Variants in GPAM observed in about 807,000 individuals in gnomAD.
GPAM encodes glycerol-3-phosphate acyltransferase 1, mitochondrial.
In GPAM, 56 loss-of-function variants were observed where a neutral mutation model predicts 105.0. The ratio of observed to expected loss-of-function variants is 0.53; its 90% CI spans 0.43 to 0.67. The LOEUF is 0.67. GPAM is among the 30% of genes least tolerant of loss of function. The probability of loss-of-function intolerance (pLI) is 0.00; values close to 1 mark genes in which losing one functional copy is unlikely to be tolerated. For missense variants in GPAM, 855 were observed against 989.8 expected, an observed-to-expected ratio of 0.86 and a Z score of 1.83; for synonymous variants, 368 against 354.4, an observed-to-expected ratio of 1.04 and a Z score of -0.43.
intron 15 of GPAM, among the ~76,000 whole-genome samples, chr10:112,161,367 T>C (rs1847120197): frequency 6.6e-6 from 1 of 152,192 alleles, no homozygotes; most frequent in Non-Finnish European, 1.5e-5. Context: ...TTGGAAAGCA[T>C]TTGCTTTCAG....
the GPAM span, among the ~76,000 whole-genome samples, chr10:112,224,103 A>C: frequency 3.3e-5 from 5 of 152,094 alleles, no homozygotes; most frequent in East Asian, 9.6e-4. Context: ...TTTCCTCTTG[A>C]TTTGTTCACA....
Position 112,168,905 on chromosome 10 carries a change from T to C in GPAM, c.842A>G (p.Asp281Gly). 6.2e-7 allele frequency: 1 copy of C among 1,612,792 alleles called. No homozygotes were observed. The highest frequency in any genetic ancestry group is 2.2e-5 in the East Asian group (1 of 44,868). Residue 281 changes from aspartate (D) to glycine (G), a missense_variant, in exon 10 of 22, where the codon GAT becomes GGT. Transcript: ENST00000348367. ...ATCTTTCCGTCCATCTGGTGTTTCA[T>C]CGAGCCTTCGTCGTATGAAGAAGCC... ...LGGFFIRRRL[D>G]ETPDGRKDVL...
upstream of GPAM, among the ~76,000 whole-genome samples, chr10:112,186,421 CA>C (rs564478757): frequency 3.6e-4 from 51 of 143,042 alleles, no homozygotes; most frequent in South Asian, 8.7e-4. Context: ...GTCTTTCAGG[CA>C]AAAAAAAAAT....
chr10:112,152,959 G>A lies in GPAM; in HGVS notation c.*591C>T. 1 of 211,370 alleles carries A rather than the reference G, an allele frequency of 4.7e-6. No homozygotes were observed. The highest frequency in any genetic ancestry group is 8.2e-6 in the Non-Finnish European group (1 of 122,086). The allele number at this position is 211,370 out of a possible 1,614,324, so 13.1% of individuals were successfully genotyped here. A position where few individuals can be genotyped will look rare whatever the true frequency, so the allele number is the denominator to read the frequency against. ...CTTAAAAACATTTCTAAATCTGACA[G>A]CAAAGGACAGCACAGTGATACCTGG... On this transcript the variant is annotated 3_prime_UTR_variant, in exon 22 of 22. Coordinates refer to ENST00000348367, the MANE Select transcript of GPAM (RefSeq NM_001244949.2).
rs960546514 is a variant in GPAM, at chr10:112,166,611, G to A, written c.1108-96C>T. On this transcript the variant is annotated intron_variant, in intron 11 of 21. Coordinates refer to ENST00000348367, the MANE Select transcript of GPAM (RefSeq NM_001244949.2). Reference sequence around the variant, plus strand: ...CAGAATAACTTGTTTTATGGAAACTGTAAGTTCATCTTGAAGAAGAACAAT... The same window carrying A: ...CAGAATAACTTGTTTTATGGAAACTATAAGTTCATCTTGAAGAAGAACAAT... 49 of 788,822 alleles carry A rather than the reference G, an allele frequency of 6.2e-5. No individual in the cohort carries two copies. The East Asian group carries it at 1.1e-3, about 17-fold the overall frequency. The allele number at this position is 788,822 out of a possible 1,614,324, so 48.9% of individuals were successfully genotyped here.
chr10:112,165,738 TC>T (rs1235611587), intron 12 of GPAM, among the ~76,000 whole-genome samples: 1 of 152,122 alleles, frequency 6.6e-6, no homozygotes, highest in Non-Finnish European at 1.5e-5. Context: ...TGGAAAAATT[TC>T]CCCTAAAGGC....
chr10:112,223,563 C>A, the GPAM span, among the ~76,000 whole-genome samples: 1 of 152,208 alleles, frequency 6.6e-6, no homozygotes, highest in Non-Finnish European at 1.5e-5. Flanking sequence ...TTAAGCAAAT[C>A]ACTTCTTATG....
chr10:112,211,451 A>G (rs1192965861), intron 1 of GPAM, among the ~76,000 whole-genome samples: 2 of 152,200 alleles, frequency 1.3e-5, no homozygotes, highest in African/African-American at 2.4e-5. Flanking sequence ...GGCGGCAAGT[A>G]TTGAGAACTT....
At chr10:112,204,096 A>T (rs1167070087) in intron 1 of GPAM, among the ~76,000 whole-genome samples, 1 of 152,102 alleles carries the variant, frequency 6.6e-6, no homozygotes. Flanking sequence ...GACACTAAGA[A>T]CCCGTGCCTA....
chr10:112,208,885 G>A (rs571315329), intron 1 of GPAM, among the ~76,000 whole-genome samples: 2 of 152,278 alleles, frequency 1.3e-5, no homozygotes, highest in Admixed American at 1.3e-4. Flanking sequence ...ATTCACCCTA[G>A]ACTGGAAAAA....
chr10:112,185,589 C>G (rs201196009), upstream of GPAM, among the ~76,000 whole-genome samples: 5 of 30,570 alleles, frequency 1.6e-4, no homozygotes, highest in South Asian at 1.4e-3. Flanking sequence ...CACACACACA[C>G]ACACACACAC....
chr10:112,181,496 T>G (rs1230582946), intron 3 of GPAM, among the ~76,000 whole-genome samples, 187 bp downstream of exon 3: 1 of 152,178 alleles, frequency 6.6e-6, no homozygotes, highest in Non-Finnish European at 1.5e-5. Context: ...GTACATAAAT[T>G]TTCTAACCAT....
At chr10:112,174,742 A>G (rs1321216806) in intron 6 of GPAM, among the ~76,000 whole-genome samples, 1 of 152,190 alleles carries the variant, frequency 6.6e-6, no homozygotes, top group Non-Finnish European at 1.5e-5. Flanking sequence ...ATTCCCTAAA[A>G]AGCATTCATT....
At chr10:112,220,125 T>C (rs936491003), upstream of GPAM, among the ~76,000 whole-genome samples, 10 of 152,152 alleles carry the variant, frequency 6.6e-5, no homozygotes, top group Admixed American at 6.5e-4. Context: ...AGACAGCCAG[T>C]TGGATCTGTG....
At chr10:112,216,424 AG>A (rs1475276374), upstream of GPAM, among the ~76,000 whole-genome samples, 5 of 152,106 alleles carry the variant, frequency 3.3e-5, no homozygotes, top group Admixed American at 6.5e-5. Flanking sequence ...ACTGGTGAAG[AG>A]GGCTTGTCTT....
intron 2 of GPAM, 67 bp from the exon 3 acceptor site, chr10:112,181,880 C>A: frequency 1.3e-6 from 1 of 741,124 alleles, no homozygotes. Flanking sequence ...ACTCAAAATT[C>A]TGATTTCTAC....
intron 3 of GPAM, among the ~76,000 whole-genome samples, chr10:112,181,477 A>G (rs1847506713): frequency 6.6e-6 from 1 of 152,202 alleles, no homozygotes; most frequent in South Asian, 2.1e-4. Context: ...GTTTTCTAAC[A>G]TAATCAGTGT....
At chr10:112,190,511 A>AG (rs1429715602) in intron 1 of GPAM, among the ~76,000 whole-genome samples, 3 of 149,128 alleles carry the variant, frequency 2.0e-5, no homozygotes, top group Non-Finnish European at 3.0e-5. Flanking sequence ...AAAAAAAAAA[A>AG]AAAGAAAAGA....
At chr10:112,181,389 G>GAGAA (rs1272050947) in intron 3 of GPAM, among the ~76,000 whole-genome samples, 1 of 151,838 alleles carries the variant, frequency 6.6e-6, no homozygotes, top group Non-Finnish European at 1.5e-5. Flanking sequence ...TACATACCAA[G>GAGAA]AGAAAGAAAG....
Sources: allele counts gnomAD v4.1 joint callset (sites outside exome capture counted in the v4.1 genomes callset), GRCh38; gene constraint gnomAD v4.1.1; transcripts MANE v1.5; gene names NCBI Gene and HGNC (gene_info 2026-07-23, HGNC 2026-07-21).